The following MRTFB variants were observed in gnomAD, a reference collection of about 807,000 sequenced individuals.
MRTFB encodes myocardin-related transcription factor B.
A neutral mutation model predicts 104.2 loss-of-function variants in MRTFB; 29 were observed. The observed-to-expected ratio is 0.28, with a 90% CI of 0.21 to 0.38. The LOEUF is 0.38. Ranked by LOEUF, MRTFB falls within the 10% of genes least tolerant of loss-of-function variation. MRTFB has a pLI of 1.00. For synonymous variants in MRTFB, 535 were observed against 519.5 expected (o/e 1.03, Z -0.41); for missense variants, 1,270 against 1,341.6 (o/e 0.95, Z 0.83).
rs2043869398 is a variant in MRTFB at position 14,264,153 on chromosome 16, T to C, written c.*2709T>C. 1.3e-5 allele frequency: 2 copies of C among 152,252 alleles called. No homozygotes were observed. Among genetic ancestry groups the C allele is most frequent in the Admixed American group, 1.3e-4 (2 of 15,294 alleles). The allele number at this position is 152,252 out of a possible 1,614,324, so 9.4% of individuals were successfully genotyped here. A position where few individuals can be genotyped will look rare whatever the true frequency, so the allele number is the denominator to read the frequency against. On this transcript the variant is annotated 3_prime_UTR_variant, in exon 17 of 17. Transcript: ENST00000571589. ...AAAGTCGCCAGTTGAATTTTCATTA[T>C]GCACGTGTGTGGTTTAAGCAGTGGT...
chr16:14,061,070 T>C, the MRTFB span, among the ~76,000 whole-genome samples: 3 of 151,350 alleles, frequency 2.0e-5, no homozygotes, highest in Non-Finnish European at 2.9e-5. Flanking sequence ...GGCGTGAACC[T>C]GGGAGGCAGA....
At chr16:14,182,795 T>A (rs1256734350) in intron 3 of MRTFB, among the ~76,000 whole-genome samples, 3 of 152,138 alleles carry the variant, frequency 2.0e-5, no homozygotes, top group Non-Finnish European at 4.4e-5. Context: ...AACTGGGAGT[T>A]CACACTAGCC....
At chr16:14,009,120 T>A in the MRTFB span, among the ~76,000 whole-genome samples, 1 of 152,000 alleles carries the variant, frequency 6.6e-6, no homozygotes, top group Admixed American at 6.6e-5. Flanking sequence ...GCTAATTTTT[T>A]AAAATTTTTG....
chr16:14,114,951 T>C (rs2036462923), intron 2 of MRTFB, among the ~76,000 whole-genome samples: 1 of 152,222 alleles, frequency 6.6e-6, no homozygotes, highest in Non-Finnish European at 1.5e-5. Flanking sequence ...AAGCTCTTCA[T>C]AGGTATTTTT....
At chr16:14,239,958 G>T (rs2042689757) in intron 9 of MRTFB, among the ~76,000 whole-genome samples, 1 of 152,196 alleles carries the variant, frequency 6.6e-6, no homozygotes, top group Admixed American at 6.5e-5. Context: ...GTTCACACGG[G>T]AGACCCAAGG....
At chr16:14,204,110 G>A (rs1180836025) in intron 3 of MRTFB, among the ~76,000 whole-genome samples, 2 of 151,968 alleles carry the variant, frequency 1.3e-5, no homozygotes, top group African/African-American at 2.4e-5. Context: ...GACTACAGGT[G>A]TGTGCTACCA....
chr16:14,047,970 C>G, the MRTFB span, among the ~76,000 whole-genome samples: 48 of 152,184 alleles, frequency 3.2e-4, no homozygotes, highest in Non-Finnish European at 6.2e-4. Flanking sequence ...AAAGTCTCAT[C>G]TGAGACAAGG....
chr16:14,203,915 G>T (rs76605159), intron 3 of MRTFB, among the ~76,000 whole-genome samples: 1,902 of 151,646 alleles, frequency 0.013, 43 homozygotes, highest in African/African-American at 0.043. Context: ...AGGGTTATAA[G>T]TATCACATGA....
At chr16:14,239,001 C>T (rs901729053) in intron 9 of MRTFB, among the ~76,000 whole-genome samples, 4 of 152,110 alleles carry the variant, frequency 2.6e-5, no homozygotes, top group Admixed American at 6.5e-5. Flanking sequence ...TTCAGGCTAC[C>T]GGTGTGATAT....
the MRTFB span, among the ~76,000 whole-genome samples, chr16:14,060,978 C>G: frequency 2.0e-5 from 3 of 152,104 alleles, no homozygotes; most frequent in South Asian, 2.1e-4. Context: ...AACCCTGTCT[C>G]TACTAAAAAT....
At chr16:14,223,996 G>A (rs1191918871) in intron 8 of MRTFB, among the ~76,000 whole-genome samples, 1 of 152,224 alleles carries the variant, frequency 6.6e-6, no homozygotes, top group African/African-American at 2.4e-5. Flanking sequence ...TCCACGGGCT[G>A]TACAGGAGGC....
At chr16:14,229,599 G>A (rs945662113) in intron 8 of MRTFB, among the ~76,000 whole-genome samples, 4 of 152,228 alleles carry the variant, frequency 2.6e-5, no homozygotes, top group African/African-American at 9.7e-5. Context: ...TTCTGCAGCA[G>A]GAACAGTGCA....
intron 2 of MRTFB, among the ~76,000 whole-genome samples, chr16:14,132,013 G>T (rs765157789): frequency 6.6e-6 from 1 of 152,188 alleles, no homozygotes; most frequent in Non-Finnish European, 1.5e-5. Flanking sequence ...TAGCCAGAAG[G>T]TGGAAACAAT....
the MRTFB span, among the ~76,000 whole-genome samples, chr16:14,001,559 G>A: frequency 3.3e-5 from 5 of 152,298 alleles, no homozygotes; most frequent in African/African-American, 1.2e-4. Flanking sequence ...AACAATGATC[G>A]CCCAGAGCAA....
At chr16:14,068,451 C>T (rs1486512717), upstream of MRTFB, among the ~76,000 whole-genome samples, 2 of 152,056 alleles carry the variant, frequency 1.3e-5, no homozygotes, top group African/African-American at 4.8e-5. Context: ...AAGATAAAGG[C>T]TTTTGAGGTA....
At chr16:14,017,545 G>T in the MRTFB span, among the ~76,000 whole-genome samples, 1 of 139,748 alleles carries the variant, frequency 7.2e-6, no homozygotes, top group African/African-American at 2.6e-5. Context: ...AACCTCTATG[G>T]TATGAGTTTT....
At chr16:14,033,310 C>T in the MRTFB span, among the ~76,000 whole-genome samples, 2 of 151,970 alleles carry the variant, frequency 1.3e-5, no homozygotes, top group South Asian at 2.1e-4. Flanking sequence ...TTTTGGGAGG[C>T]CGAGGCAGGA....
chr16:14,133,857 A>G (rs1245001127), intron 2 of MRTFB, among the ~76,000 whole-genome samples: 1 of 152,190 alleles, frequency 6.6e-6, no homozygotes, highest in African/African-American at 2.4e-5. Flanking sequence ...AAATTCATTC[A>G]TTATGAATAC....
intron 2 of MRTFB, among the ~76,000 whole-genome samples, chr16:14,111,005 A>T (rs937424519): frequency 2.0e-5 from 3 of 152,108 alleles, no homozygotes; most frequent in Non-Finnish European, 4.4e-5. Context: ...CTATCCATCT[A>T]ACTTTGTTTT....
Sources: gnomAD v4.1 joint callset for allele counts (sites outside exome capture counted in the v4.1 genomes callset) on GRCh38, gnomAD v4.1.1 for gene constraint, MANE v1.5 for transcripts, NCBI Gene and HGNC (gene_info 2026-07-23, HGNC 2026-07-21) for gene names.